The following PKHD1 variants were observed in gnomAD, a reference collection of about 807,000 sequenced individuals.
The protein encoded by PKHD1 is PKHD1 ciliary IPT domain containing fibrocystin/polyductin, also known as fibrocystin.
PKHD1 carries 291 observed loss-of-function variants against 412.0 expected under a neutral mutation model. The ratio of observed to expected loss-of-function variants is 0.71; its 90% CI spans 0.64 to 0.78. The LOEUF is 0.78. Among genes scored for constraint, PKHD1 ranks in the 30% least tolerant of loss-of-function variants. The probability of loss-of-function intolerance (pLI) is 0.00; values close to 1 mark genes in which losing one functional copy is unlikely to be tolerated. For synonymous variants in PKHD1, 1,777 were observed against 1,821.5 expected (o/e 0.98, Z 0.62); for missense variants, 4,825 against 4,950.7 (o/e 0.97, Z 0.76).
chr6:52,075,912 G>A (rs1274759099), intron 6 of PKHD1, among the ~76,000 whole-genome samples: 1 of 152,168 alleles, frequency 6.6e-6, no homozygotes, highest in Non-Finnish European at 1.5e-5. Flanking sequence ...GATATCTGAA[G>A]AGCTTAGACT....
At chr6:51,798,144 T>C (rs2148457) in intron 52 of PKHD1, among the ~76,000 whole-genome samples, 113,660 of 151,846 alleles carry the variant, frequency 0.75, 42,813 homozygotes, top group East Asian at 0.97. Context: ...TTTGGGAGGC[T>C]GAGGCAAGTG....
chr6:51,769,615 A>G (rs73426070), intron 55 of PKHD1, among the ~76,000 whole-genome samples: 1,809 of 151,482 alleles, frequency 0.012, 33 homozygotes, highest in African/African-American at 0.041. Flanking sequence ...TATTTCACCA[A>G]TTTCTGCCTT....
chr6:51,957,633 G>A lies in PKHD1; in HGVS notation c.5908+2237C>T, dbSNP rs150922988. 3.3e-4 allele frequency among the ~76,000 whole-genome samples: 50 copies of A among 152,164 alleles called. 2 individuals are homozygous for A. In the East Asian group the frequency reaches 9.3e-3, roughly 28 times the overall value. On this transcript the variant is annotated intron_variant, in intron 36 of 66. Coordinates refer to ENST00000371117, the MANE Select transcript of PKHD1 (RefSeq NM_138694.4). ...GTTCACTGATGGGGTGGTCATAGGA[G>A]GTGAAAGAAAGAAGTCATGGATGCC...
chr6:52,009,921 C>T (rs1423976141), intron 35 of PKHD1, among the ~76,000 whole-genome samples: 1 of 151,890 alleles, frequency 6.6e-6, no homozygotes, highest in Non-Finnish European at 1.5e-5. Context: ...ATTGCTGTCC[C>T]GCCAAGCTGA....
In PKHD1 at chr6:51,616,472, A is replaced by T; in HGVS notation, c.*2609T>A. The T allele has an allele frequency of 2.6e-6, 1 of 388,978 alleles. No homozygotes were observed. Among genetic ancestry groups the T allele is most frequent in the South Asian group, 1.4e-4 (1 of 6,948 alleles). 24.1% of individuals were successfully genotyped at this position (388,978 alleles called of 1,614,324 possible). A position where few individuals can be genotyped will look rare whatever the true frequency, so the allele number is the denominator to read the frequency against. On this transcript the variant is annotated 3_prime_UTR_variant, in exon 67 of 67. Transcript: ENST00000371117. The stretch of plus-strand genomic sequence containing the variant: ...GGTGCTCAAATTGGCTCATCTCCAG[A>T]CATGAATGAACATAGAGCTGCTCTC...
At chr6:51,746,601 A>T in intron 59 of PKHD1, 120 bp downstream of exon 59, 1 of 715,920 alleles carries the variant, frequency 1.4e-6, no homozygotes, top group Non-Finnish European at 2.5e-6. Flanking sequence ...GTACCTTACC[A>T]TTCTAAGATT....
At chr6:51,711,241 G>C (rs1780625868) in intron 60 of PKHD1, among the ~76,000 whole-genome samples, 1 of 152,192 alleles carries the variant, frequency 6.6e-6, no homozygotes, top group Non-Finnish European at 1.5e-5. Context: ...CACAAGATCA[G>C]TATTTCCTGT....
At chr6:52,069,924 AT>A (rs1015965735) in intron 10 of PKHD1, among the ~76,000 whole-genome samples, 10 of 152,228 alleles carry the variant, frequency 6.6e-5, no homozygotes, top group African/African-American at 2.4e-5. Flanking sequence ...ATTATTATCA[AT>A]TAGACCCTAC....
At chr6:51,859,605 C>T in intron 48 of PKHD1, among the ~76,000 whole-genome samples, 1 of 150,980 alleles carries the variant, frequency 6.6e-6, no homozygotes, top group South Asian at 2.1e-4. Flanking sequence ...TTTTTTAATT[C>T]CAGCAATGTG....
Position 51,911,892 on chromosome 6 carries a change from C to T in PKHD1, c.6397G>A (p.Ala2133Thr), listed in dbSNP as rs1389283061. ...GEHHILKATVALLSRSITIQG... is the reference protein window; with the variant it reads ...GEHHILKATVTLLSRSITIQG... ...ATGGTAATACTCCTGCTGAGCAGAGCCACAGTGGCCTTTAAAATATGGTGC... is the reference window on the plus strand; with the variant it reads ...ATGGTAATACTCCTGCTGAGCAGAGTCACAGTGGCCTTTAAAATATGGTGC... Residue 2133 changes from alanine (A) to threonine (T), a missense_variant, in exon 39 of 67, where the codon GCT becomes ACT. Coordinates refer to ENST00000371117, the MANE Select transcript of PKHD1 (RefSeq NM_138694.4). 1.9e-6 allele frequency: 3 copies of T among 1,611,102 alleles called. No individual in the cohort carries two copies. Among genetic ancestry groups the T allele is most frequent in the Admixed American group, 3.3e-5 (2 of 59,876 alleles).
intron 10 of PKHD1, 135 bp downstream of exon 10, chr6:52,070,271 G>T: frequency 1.5e-6 from 1 of 681,432 alleles, no homozygotes; most frequent in Non-Finnish European, 2.6e-6. Flanking sequence ...AGTTATATGT[G>T]GTCTCATTAT....
In PKHD1 at chr6:51,794,023, T is replaced by A. The variant is rs540491624; in HGVS notation, c.8303-2650A>T. Among the ~76,000 whole-genome samples the A allele has an allele frequency of 6.9e-4, 105 of 151,096 alleles. 1 individual carries two copies. The highest frequency in any genetic ancestry group is 3.4e-3 in the Middle Eastern group (1 of 290). ...AAAGCATTCCTTTTGCTCCACAACC[T>A]TACCAGCATCTGTTGCTTTTTGACT... On this transcript the variant is annotated intron_variant, in intron 52 of 66. Coordinates refer to ENST00000371117, the MANE Select transcript of PKHD1 (RefSeq NM_138694.4).
intron 52 of PKHD1, among the ~76,000 whole-genome samples, chr6:51,804,463 T>A (rs1030021414): frequency 6.8e-6 from 1 of 147,990 alleles, no homozygotes; most frequent in East Asian, 1.9e-4. Context: ...GCTATTGTTT[T>A]CATATGCCCA....
intron 62 of PKHD1, among the ~76,000 whole-genome samples, chr6:51,648,462 C>A (rs1179931990): frequency 1.3e-5 from 2 of 152,088 alleles, no homozygotes; most frequent in African/African-American, 4.8e-5. Flanking sequence ...GAGTGCCAGA[C>A]CACATCAAAG....
intron 15 of PKHD1, among the ~76,000 whole-genome samples, chr6:52,059,304 T>C (rs531222189): frequency 1.3e-3 from 193 of 143,466 alleles, no homozygotes; most frequent in African/African-American, 4.9e-3. Context: ...CTCACTCTGT[T>C]GCCCAGACTG....
intron 63 of PKHD1, among the ~76,000 whole-genome samples, chr6:51,644,756 T>G (rs1182477053): frequency 6.6e-6 from 1 of 152,174 alleles, no homozygotes; most frequent in African/African-American, 2.4e-5. Context: ...CTTGGCTCAC[T>G]GCAACCTCCA....
chr6:52,036,289 T>C (rs543880643), intron 27 of PKHD1, among the ~76,000 whole-genome samples: 5 of 152,360 alleles, frequency 3.3e-5, no homozygotes, highest in Non-Finnish European at 7.3e-5. Context: ...TGTGAAAATA[T>C]AGAAATGAGT....
Position 51,809,390 on chromosome 6 carries a change from T to C in PKHD1, c.8303-18017A>G, listed in dbSNP as rs181258166. Among the ~76,000 whole-genome samples, 26 of 152,158 alleles carry C rather than the reference T, an allele frequency of 1.7e-4. No individual in the cohort carries two copies. In the East Asian group the frequency reaches 5.0e-3, roughly 29 times the overall value. On this transcript the variant is annotated intron_variant, in intron 52 of 66. Transcript: ENST00000371117. ...TATATCCATGGGTCTGTTTCTGGACTCTATTTTGTCTCATTCACTTTCCTC... is the reference window on the plus strand; with the variant it reads ...TATATCCATGGGTCTGTTTCTGGACCCTATTTTGTCTCATTCACTTTCCTC...
chr6:51,939,581 T>C (rs542460032), intron 36 of PKHD1, among the ~76,000 whole-genome samples: 2 of 151,682 alleles, frequency 1.3e-5, no homozygotes. Context: ...CATTTTCGAT[T>C]TTTCCATCCT....
Sources: gnomAD v4.1 joint callset for allele counts (sites outside exome capture counted in the v4.1 genomes callset) on GRCh38, gnomAD v4.1.1 for gene constraint, MANE v1.5 for transcripts, NCBI Gene and HGNC (gene_info 2026-07-23, HGNC 2026-07-21) for gene names.